The following TPST2 variants were observed in gnomAD, a reference collection of about 807,000 sequenced individuals.
The protein encoded by TPST2 is protein-tyrosine sulfotransferase 2.
Under a neutral mutation model 27.8 loss-of-function variants are expected in TPST2, and 16 were observed. That is an observed-to-expected ratio of 0.58 (90% CI 0.39 to 0.88). TPST2 has a LOEUF of 0.88. Among genes scored for constraint, TPST2 ranks in the 40% least tolerant of loss-of-function variants. The pLI is 0.00. For synonymous variants in TPST2, 229 were observed against 231.7 expected (o/e 0.99, Z 0.10); for missense variants, 464 against 543.1 (o/e 0.85, Z 1.45).
Position 26,541,495 on chromosome 22 carries a change from G to A in TPST2, c.136C>T (p.Arg46Trp), listed in dbSNP as rs768931966. ...ATCACCAGCTCCTCCTGCTCAGGCC[G>A]CATGGCCCCCCGGGGGCTCCGCAGG... The part of the protein sequence containing the change: ...AGLRSPRGAM[R>W]PEQEELVMVG... The change falls in exon 3 of 7, where the codon CGG becomes TGG. Residue 46 changes from arginine to tryptophan, a missense_variant. Transcript: ENST00000338754. The surrounding 1 kb of genome is among the most constrained non-coding windows in gnomAD (Gnocchi z 5.9). The A allele has an allele frequency of 1.1e-5, 17 of 1,611,512 alleles. No individual in the cohort carries two copies. Among genetic ancestry groups the A allele is most frequent in the Admixed American group, 6.7e-5 (4 of 59,782 alleles).
intron 1 of TPST2, among the ~76,000 whole-genome samples, chr22:26,561,364 C>T (rs1043039318): frequency 2.0e-5 from 3 of 152,066 alleles, no homozygotes; most frequent in Admixed American, 6.5e-5. Flanking sequence ...TTTCAATAGC[C>T]GCTAACCTTG....
At chr22:26,575,771 G>T (rs764521021) in intron 1 of TPST2, among the ~76,000 whole-genome samples, 1 of 152,148 alleles carries the variant, frequency 6.6e-6, no homozygotes, top group Non-Finnish European at 1.5e-5. Flanking sequence ...CAAGGTGGGC[G>T]GATCATGAGG....
rs1247986242 is a variant in TPST2, at chr22:26,531,750, G to A, written c.1092+945C>T. On this transcript the variant is annotated intron_variant, in intron 5 of 6. Coordinates refer to ENST00000338754, the MANE Select transcript of TPST2 (RefSeq NM_003595.5). ...CCACAGATTAAGGGCCCAGTTCCAC[G>A]ACTGCCCCACTTTAGATGCCAGCTG... Among the ~76,000 whole-genome samples the A allele has an allele frequency of 5.3e-5, 8 of 152,240 alleles. No individual in the cohort carries two copies. In the East Asian group the frequency reaches 1.4e-3, roughly 26 times the overall value.
chr22:26,540,773 C>T lies in TPST2; in HGVS notation c.842+16G>A. 3 of 1,555,196 alleles carry T rather than the reference C, an allele frequency of 1.9e-6. No homozygotes were observed. Among genetic ancestry groups the T allele is most frequent in the Non-Finnish European group, 2.6e-6 (3 of 1,148,294 alleles). On this transcript the variant is annotated intron_variant, in intron 3 of 6. Coordinates refer to ENST00000338754, the MANE Select transcript of TPST2 (RefSeq NM_003595.5). ...AGGGCCAGAGTCTGAGTGGAAGCAT[C>T]AGGGGCTCCACTCACTTGGACAGGG...
intron 5 of TPST2, 120 bp downstream of exon 5, chr22:26,532,575 C>T (rs1925228031): frequency 8.8e-7 from 1 of 1,141,920 alleles, no homozygotes; most frequent in Non-Finnish European, 1.3e-6. Flanking sequence ...CTCACATCCC[C>T]CTTTTTATAA....
intron 1 of TPST2, among the ~76,000 whole-genome samples, chr22:26,553,563 G>T (rs1449439191): frequency 6.6e-6 from 1 of 151,982 alleles, no homozygotes; most frequent in Non-Finnish European, 1.5e-5. Flanking sequence ...TGGAGACGGG[G>T]TCTCACTATG....
chr22:26,552,446 C>A (rs1327310119), intron 1 of TPST2, among the ~76,000 whole-genome samples: 3 of 152,100 alleles, frequency 2.0e-5, no homozygotes, highest in Non-Finnish European at 4.4e-5. Flanking sequence ...GGAGGTCACA[C>A]AGATGGTAAT....
chr22:26,544,503 AG>A (rs2147194013), intron 2 of TPST2, 100 bp downstream of exon 2: 1 of 620,398 alleles, frequency 1.6e-6, no homozygotes, highest in Non-Finnish European at 2.0e-6. Flanking sequence ...GAGTTTGCCC[AG>A]GCACCCAATC....
chr22:26,578,881 T>C (rs1927974043), intron 1 of TPST2, among the ~76,000 whole-genome samples: 1 of 150,250 alleles, frequency 6.7e-6, no homozygotes, highest in Non-Finnish European at 1.5e-5. Context: ...AGACGGGGTC[T>C]CACTCTGTCA....
chr22:26,536,407 C>T lies in TPST2; in HGVS notation c.922G>A (p.Asp308Asn). 2 of 1,593,294 alleles carry T rather than the reference C, an allele frequency of 1.3e-6. No individual in the cohort carries two copies. The highest frequency in any genetic ancestry group is 1.7e-6 in the Non-Finnish European group (2 of 1,167,040). The part of the protein sequence containing the change: ...LSKWTGHIPG[D>N]VVRDMAQIAP... ...ATCTGGGCCATGTCCCGCACCACAT[C>T]CCCAGGGATGTGGCCAGTCCACTTG... The change falls in exon 4 of 7, where the codon GAT (aspartate) becomes AAT (asparagine). Residue 308 changes from aspartate to asparagine, a missense_variant. Coordinates refer to ENST00000338754, the MANE Select transcript of TPST2 (RefSeq NM_003595.5).
rs945934502 is a variant in TPST2 at position 26,587,436 on chromosome 22, G to A, written c.-161+2617C>T. Among the ~76,000 whole-genome samples, 6 of 152,260 alleles carry A rather than the reference G, an allele frequency of 3.9e-5. No homozygotes were observed. The East Asian group carries it at 9.7e-4, about 25-fold the overall frequency. On this transcript the variant is annotated intron_variant, in intron 1 of 6. Transcript: ENST00000338754. ...GCTTACTGCAACCTCTGCCTCCTGG[G>A]TTCAAGCGATTCCCCTGCCTCAGCC...
At chr22:26,570,057 A>C (rs185637683) in intron 1 of TPST2, among the ~76,000 whole-genome samples, 7,414 of 148,780 alleles carry the variant, frequency 0.05, 381 homozygotes, top group Non-Finnish European at 0.074. Flanking sequence ...GAAAGAAAGA[A>C]AGAAAGAAGG....
At chr22:26,562,473 G>A (rs929542411) in intron 1 of TPST2, among the ~76,000 whole-genome samples, 4 of 152,118 alleles carry the variant, frequency 2.6e-5, no homozygotes, top group Non-Finnish European at 5.9e-5. Flanking sequence ...CAACTCATTG[G>A]TACAACCTCT....
At chr22:26,531,933 ACT>A (rs1321239453) in intron 5 of TPST2, among the ~76,000 whole-genome samples, 1 of 152,188 alleles carries the variant, frequency 6.6e-6, no homozygotes, top group Non-Finnish European at 1.5e-5. Context: ...AAATAATACA[ACT>A]CAAGCTTGGA....
At chr22:26,558,953 T>C (rs1926943644) in intron 1 of TPST2, among the ~76,000 whole-genome samples, 2 of 152,256 alleles carry the variant, frequency 1.3e-5, no homozygotes, top group South Asian at 4.1e-4. Flanking sequence ...GTAATACTGA[T>C]CCTGACATTA....
At chr22:26,558,006 C>G (rs1250316372) in intron 1 of TPST2, among the ~76,000 whole-genome samples, 1 of 150,200 alleles carries the variant, frequency 6.7e-6, no homozygotes, top group South Asian at 2.1e-4. Flanking sequence ...GTGATCACAC[C>G]ACTGTACTCT....
rs903581879 is a variant in TPST2 at position 26,523,637 on chromosome 22, T to C, written c.*2638A>G. Reference sequence around the variant, plus strand: ...TCTCACTCTGTTGCCCAGGCTGGAGTGTACTAGCATGATCTTGGTTCACTG... The same window carrying C: ...TCTCACTCTGTTGCCCAGGCTGGAGCGTACTAGCATGATCTTGGTTCACTG... On this transcript the variant is annotated 3_prime_UTR_variant, in exon 7 of 7. Transcript: ENST00000338754. 3 of 152,190 alleles carry C rather than the reference T, an allele frequency of 2.0e-5. No homozygotes were observed. Among genetic ancestry groups the C allele is most frequent in the Non-Finnish European group, 4.4e-5 (3 of 68,040 alleles). 9.4% of individuals were successfully genotyped at this position (152,190 alleles called of 1,614,324 possible). A position where few individuals can be genotyped will look rare whatever the true frequency, so the allele number is the denominator to read the frequency against.
intron 1 of TPST2, among the ~76,000 whole-genome samples, chr22:26,585,836 G>A (rs1928321533): frequency 6.6e-6 from 1 of 152,120 alleles, no homozygotes; most frequent in African/African-American, 2.4e-5. Flanking sequence ...GGATCACAAG[G>A]TCAGGAGATC....
intron 1 of TPST2, among the ~76,000 whole-genome samples, chr22:26,566,279 G>A (rs1334750000): frequency 6.6e-6 from 1 of 152,008 alleles, no homozygotes; most frequent in African/African-American, 2.4e-5. Context: ...TAGGCTGGGT[G>A]CGGTGGCTCA....
Sources: gnomAD v4.1 joint callset for allele counts (sites outside exome capture counted in the v4.1 genomes callset) on GRCh38, gnomAD v4.1.1 for gene constraint, Gnocchi (gnomAD v3.1) non-coding constraint, MANE v1.5 for transcripts, NCBI Gene and HGNC (gene_info 2026-07-23, HGNC 2026-07-21) for gene names.